Variants in OTOG observed in about 807,000 individuals in gnomAD.
OTOG encodes otogelin.
A neutral mutation model predicts 313.8 loss-of-function variants in OTOG; 296 were observed. The observed-to-expected ratio is 0.94, with a 90% CI of 0.86 to 1.04. The LOEUF is 1.04. OTOG is among the 50% of genes least tolerant of loss of function. OTOG has a pLI of 0.00. For synonymous variants in OTOG, 1,533 were observed against 1,554.9 expected (o/e 0.99, Z 0.33); for missense variants, 3,948 against 3,840.1 (o/e 1.03, Z -0.74).
At position 17,641,966 on chromosome 11, in the gene OTOG, C is replaced by T. The variant is rs533028031; in HGVS notation, c.8295+15C>T. 1.3e-4 allele frequency: 203 copies of T among 1,547,902 alleles called. No homozygotes were observed. The South Asian group carries it at 1.9e-3, about 14-fold the overall frequency. On this transcript the variant is annotated intron_variant, in intron 52 of 55. Transcript: ENST00000399397. The stretch of plus-strand genomic sequence containing the variant: ...CCCTGTTCTTGGTAAGCAGCCCCCT[C>T]GCTGCCCACTTAGGAGGGTGTCCCA...
At chr11:17,586,185 A>G (rs1477820678) in intron 23 of OTOG, among the ~76,000 whole-genome samples, 2 of 152,208 alleles carry the variant, frequency 1.3e-5, no homozygotes, top group African/African-American at 2.4e-5. Context: ...CTGAGGAGCA[A>G]CTGGCATCCA....
At chr11:17,598,825 G>A (rs973553619) in intron 30 of OTOG, among the ~76,000 whole-genome samples, 1 of 152,210 alleles carries the variant, frequency 6.6e-6, no homozygotes, top group Non-Finnish European at 1.5e-5. Flanking sequence ...TGGAGGGAGA[G>A]GCAGGCACGT....
intron 31 of OTOG, among the ~76,000 whole-genome samples, chr11:17,601,917 G>T (rs1207973933): frequency 1.3e-5 from 2 of 152,204 alleles, no homozygotes; most frequent in Non-Finnish European, 2.9e-5. Context: ...GCTGTGGAGA[G>T]ACAATGGGGG....
intron 3 of OTOG, among the ~76,000 whole-genome samples, chr11:17,551,101 G>C (rs1245062578): frequency 6.6e-6 from 1 of 152,200 alleles, no homozygotes; most frequent in Non-Finnish European, 1.5e-5. Flanking sequence ...GCTCCAAGAG[G>C]GCAGGGACTC....
In OTOG at chr11:17,572,170, C is replaced by T. The variant is rs1409935928; in HGVS notation, c.2046C>T (p.Ser682=). ...CTTGCTCCCCGCTGGTCTCTGGCTC[C>T]CCTCTGGACCCCTGCGATGTGCACC... The part of the protein sequence containing the change: ...LSACSPLVSG[S]PLDPCDVHLQ... Residue 682 remains serine (S), a synonymous_variant, in exon 18 of 56, where the codon TCC becomes TCT. Transcript: ENST00000399397. 6.4e-7 allele frequency: 1 copy of T among 1,550,446 alleles called. No homozygotes were observed. The highest frequency in any genetic ancestry group is 8.7e-7 in the Non-Finnish European group (1 of 1,146,922).
chr11:17,567,781 C>G (rs752999450), intron 15 of OTOG, among the ~76,000 whole-genome samples: 2 of 152,232 alleles, frequency 1.3e-5, no homozygotes, highest in African/African-American at 4.8e-5. Context: ...TCTCCTTCTT[C>G]TTCTTCTCTC....
At position 17,555,691 on chromosome 11, in the gene OTOG, G is replaced by A. The variant is rs113621001; in HGVS notation, c.541-88G>A. ...AGTTGGTATGCAGGGGACAGCCATC[G>A]GCATTAGTGAAAACTCAATAAGGTG... On this transcript the variant is annotated intron_variant, in intron 6 of 55. Coordinates refer to ENST00000399397, the MANE Select transcript of OTOG (RefSeq NM_001292063.2). The A allele has an allele frequency of 5.3e-3, 5,483 of 1,025,954 alleles. 124 individuals carry two copies. The highest frequency in any genetic ancestry group is 0.02 in the East Asian group (772 of 38,204). The allele number at this position is 1,025,954 out of a possible 1,614,324, so 63.6% of individuals were successfully genotyped here. A position where few individuals can be genotyped will look rare whatever the true frequency, so the allele number is the denominator to read the frequency against.
At chr11:17,596,233 A>G (rs1853102778) in intron 29 of OTOG, 79 bp downstream of exon 29, 2 of 1,045,550 alleles carry the variant, frequency 1.9e-6, no homozygotes, top group Admixed American at 2.0e-5. Flanking sequence ...AGACTCCCCC[A>G]TGTCTCAGAG....
rs1056521843 is a variant in OTOG, at chr11:17,558,676, C to T, written c.1103+32C>T. ...AGGGGTGGTGTGGGCTATGGGGAACCCTCTAGTATTGGGGTGAGTGCTCAG... is the reference window on the plus strand; with the variant it reads ...AGGGGTGGTGTGGGCTATGGGGAACTCTCTAGTATTGGGGTGAGTGCTCAG... On this transcript the variant is annotated intron_variant, in intron 10 of 55. Coordinates refer to ENST00000399397, the MANE Select transcript of OTOG (RefSeq NM_001292063.2). 7 of 1,537,400 alleles carry T rather than the reference C, an allele frequency of 4.6e-6. No individual in the cohort carries two copies. The African/African-American group carries it at 5.5e-5, about 12-fold the overall frequency.
At position 17,547,920 on chromosome 11, in the gene OTOG, T is replaced by A. The variant is rs201548590; in HGVS notation, c.95-7T>A. On this transcript the variant is annotated splice_region_variant and splice_polypyrimidine_tract_variant and intron_variant, in intron 1 of 55. Transcript: ENST00000399397. ...CAATTTGAGTGGAGAATAATCCCCC[T>A]CCCCAGCCGCAGCACCCGTTCTGTG... 2.2e-6 allele frequency: 1 copy of A among 456,802 alleles called. No homozygotes were observed. The highest frequency in any genetic ancestry group is 3.3e-5 in the East Asian group (1 of 30,114). The allele number at this position is 456,802 out of a possible 1,614,324, so 28.3% of individuals were successfully genotyped here.
At chr11:17,597,065 C>T (rs1853129539) in intron 30 of OTOG, 58 bp downstream of exon 30, 2 of 1,524,558 alleles carry the variant, frequency 1.3e-6, no homozygotes, top group Admixed American at 2.0e-5. Flanking sequence ...TGTGGGCATG[C>T]CCTAGGGGTA....
intron 24 of OTOG, 89 bp downstream of exon 24, chr11:17,586,670 C>A (rs533096084): frequency 6.2e-5 from 38 of 608,466 alleles, no homozygotes; most frequent in African/African-American, 6.2e-4. Flanking sequence ...CTAGCATTCC[C>A]ATTTCATTAT....
intron 6 of OTOG, 166 bp from the exon 7 acceptor site, chr11:17,555,613 A>G: frequency 1.7e-6 from 1 of 572,878 alleles, no homozygotes; most frequent in Non-Finnish European, 3.1e-6. Context: ...CTGTGAATCC[A>G]TTGCCTCCCC....
chr11:17,564,553 G>A (rs1565094800), intron 15 of OTOG, among the ~76,000 whole-genome samples: 2 of 152,204 alleles, frequency 1.3e-5, no homozygotes, highest in Non-Finnish European at 2.9e-5. Context: ...CTTGGCAACT[G>A]ACTGACTGTG....
Position 17,632,232 on chromosome 11 carries a change from T to C in OTOG, c.7072+6T>C. 6.5e-7 allele frequency: 1 copy of C among 1,548,282 alleles called. No homozygotes were observed. The highest frequency in any genetic ancestry group is 8.7e-7 in the Non-Finnish European group (1 of 1,145,096). On this transcript the variant is annotated splice_donor_region_variant and intron_variant, in intron 42 of 55. Transcript: ENST00000399397. ...GCGGCGCTCTGACTACTGCCGTGAG[T>C]TTGCGGGGCAGGGGGACCCTCCATT...
At chr11:17,607,802 C>G (rs75659765) in intron 33 of OTOG, among the ~76,000 whole-genome samples, 1 of 152,098 alleles carries the variant, frequency 6.6e-6, no homozygotes, top group Non-Finnish European at 1.5e-5. Context: ...CCCAGTGCCT[C>G]CCCTCACCCT....
At chr11:17,614,299 T>A (rs1853671393) in intron 39 of OTOG, among the ~76,000 whole-genome samples, 1 of 152,186 alleles carries the variant, frequency 6.6e-6, no homozygotes. Flanking sequence ...CCTTTTGGAA[T>A]CTGCCCTTGA....
In OTOG at chr11:17,610,978, G is replaced by A. The variant is rs865817253; in HGVS notation, c.5678G>A (p.Gly1893Asp). 4 of 1,550,592 alleles carry A rather than the reference G, an allele frequency of 2.6e-6. No individual in the cohort carries two copies. Among genetic ancestry groups the A allele is most frequent in the Middle Eastern group, 3.3e-4 (2 of 5,992 alleles). Residue 1893 changes from glycine to aspartate, a missense_variant, in exon 36 of 56, where the codon GGC becomes GAC. Gly to Asp is a moderately conservative substitution (Grantham distance 94). Transcript: ENST00000399397. The part of the protein sequence containing the change: ...PTSGVLPVAE[G>D]TASMVSVVPR... ...TCTGGAGTCCTGCCTGTGGCTGAGGGCACGGCCTCCATGGTATCTGTTGTC... is the reference window on the plus strand; with the variant it reads ...TCTGGAGTCCTGCCTGTGGCTGAGGACACGGCCTCCATGGTATCTGTTGTC...
At chr11:17,569,412 C>A in intron 16 of OTOG, 124 bp downstream of exon 16, 1 of 1,343,112 alleles carries the variant, frequency 7.4e-7, no homozygotes, top group Non-Finnish European at 1.0e-6. Context: ...CTGGGTAGAT[C>A]AGGATAGGGG....
Sources: allele counts gnomAD v4.1 joint callset (sites outside exome capture counted in the v4.1 genomes callset), GRCh38; gene constraint gnomAD v4.1.1; transcripts MANE v1.5; gene names NCBI Gene and HGNC (gene_info 2026-07-23, HGNC 2026-07-21).